FLT1: variants seen among roughly 807,000 people sequenced by gnomAD.
FLT1 encodes the protein vascular endothelial growth factor receptor 1.
FLT1 carries 49 observed loss-of-function variants against 156.3 expected under a neutral mutation model. The ratio of observed to expected loss-of-function variants is 0.31; its 90% CI spans 0.25 to 0.40. The LOEUF (loss-of-function observed/expected upper bound fraction) is 0.40. Among genes scored for constraint, FLT1 ranks in the 10% least tolerant of loss-of-function variants. The pLI is 1.00. For missense variants in FLT1, 1,322 were observed against 1,637.2 expected (o/e 0.81, Z 3.32); for synonymous variants, 594 against 583.8 (o/e 1.02, Z -0.25).
chr13:28,472,436 A>G (rs1880229534), intron 1 of FLT1, among the ~76,000 whole-genome samples: 1 of 152,248 alleles, frequency 6.6e-6, no homozygotes, highest in Non-Finnish European at 1.5e-5. Flanking sequence ...GGTCACTTGT[A>G]AAACTCAAGA....
At chr13:28,425,971 T>G (rs1182625976) in intron 10 of FLT1, among the ~76,000 whole-genome samples, 1 of 152,198 alleles carries the variant, frequency 6.6e-6, no homozygotes, top group Non-Finnish European at 1.5e-5. Context: ...GGAAAACAGC[T>G]ACTTCCCAGG....
intron 3 of FLT1, among the ~76,000 whole-genome samples, chr13:28,458,977 A>G (rs1339328963): frequency 6.6e-6 from 1 of 152,252 alleles, no homozygotes; most frequent in Non-Finnish European, 1.5e-5. Flanking sequence ...AAACCCTAGA[A>G]ATATCTGTTT....
chr13:28,451,083 C>T (rs868430102), intron 3 of FLT1, among the ~76,000 whole-genome samples: 10 of 152,306 alleles, frequency 6.6e-5, no homozygotes, highest in Middle Eastern at 6.8e-3. Context: ...TAGCTCTCTG[C>T]TGTAAGGTGC....
intron 1 of FLT1, among the ~76,000 whole-genome samples, chr13:28,485,555 T>C (rs897281393): frequency 1.6e-4 from 25 of 152,160 alleles, no homozygotes; most frequent in Admixed American, 1.6e-3. Context: ...TTTACTGTAT[T>C]TTCTTGGCCA....
chr13:28,444,400 C>A (rs1452468225), intron 3 of FLT1, among the ~76,000 whole-genome samples: 1 of 151,966 alleles, frequency 6.6e-6, no homozygotes, highest in Non-Finnish European at 1.5e-5. Context: ...GAGATCACAC[C>A]ACTGCACTCC....
intron 10 of FLT1, among the ~76,000 whole-genome samples, chr13:28,408,222 C>T (rs1875926705): frequency 6.6e-6 from 1 of 152,178 alleles, no homozygotes; most frequent in South Asian, 2.1e-4. Flanking sequence ...GTAAGGCAAG[C>T]CTGGGTGTTT....
In FLT1 at chr13:28,303,211, G is replaced by A. The variant is rs772567599; in HGVS notation, c.3973C>T (p.Pro1325Ser). 4 of 1,613,208 alleles carry A rather than the reference G, an allele frequency of 2.5e-6. No homozygotes were observed. Among genetic ancestry groups the A allele is most frequent in the Non-Finnish European group, 3.4e-6 (4 of 1,179,996 alleles). Residue 1325 changes from proline (P) to serine (S), a missense_variant, in exon 30 of 30, where the codon CCA becomes TCA. Pro to Ser is a moderately conservative substitution (Grantham distance 74, BLOSUM62 -1). Coordinates refer to ENST00000282397, the MANE Select transcript of FLT1 (RefSeq NM_002019.4). Reference sequence around the variant, plus strand: ...TACAGGACCACCGAGTTGTAGTCTGGGGGCGGGGAGCAGCACGCGATTTTC... The same window carrying A: ...TACAGGACCACCGAGTTGTAGTCTGAGGGCGGGGAGCAGCACGCGATTTTC... ...ERKIACCSPPPDYNSVVLYST... is the reference protein window; with the variant it reads ...ERKIACCSPPSDYNSVVLYST...
At chr13:28,459,304 T>C (rs1177507719) in intron 3 of FLT1, among the ~76,000 whole-genome samples, 1 of 152,154 alleles carries the variant, frequency 6.6e-6, no homozygotes, top group Admixed American at 6.5e-5. Context: ...CCAACCTGTC[T>C]GCACTTGTGG....
intron 15 of FLT1, among the ~76,000 whole-genome samples, chr13:28,351,936 G>A (rs1416913637): frequency 6.6e-6 from 1 of 152,188 alleles, no homozygotes; most frequent in Non-Finnish European, 1.5e-5. Flanking sequence ...TGTTTTAAAT[G>A]TGTTAATCCT....
At chr13:28,473,253 T>C (rs2137635489) in intron 1 of FLT1, among the ~76,000 whole-genome samples, 1 of 152,270 alleles carries the variant, frequency 6.6e-6, no homozygotes, top group African/African-American at 2.4e-5. Context: ...ACTCAGCAAT[T>C]GCACTCCTAG....
chr13:28,437,813 C>T (rs17551673), intron 4 of FLT1, among the ~76,000 whole-genome samples: 7,040 of 152,254 alleles, frequency 0.046, 271 homozygotes, highest in Admixed American at 0.11. Context: ...GAAGCCAGAA[C>T]ATATCGATGC....
intron 14 of FLT1, among the ~76,000 whole-genome samples, chr13:28,370,476 G>A (rs1873511584): frequency 6.6e-6 from 1 of 152,128 alleles, no homozygotes; most frequent in Admixed American, 6.5e-5. Flanking sequence ...TAAAAAAATG[G>A]AGTTATGATA....
At position 28,495,069 on chromosome 13, in the gene FLT1, C is replaced by A; in HGVS notation, c.-226G>T. The A allele has an allele frequency of 2.1e-6, 1 of 468,574 alleles. No homozygotes were observed. Among genetic ancestry groups the A allele is most frequent in the Non-Finnish European group, 3.7e-6 (1 of 269,902 alleles). 29.0% of individuals were successfully genotyped at this position (468,574 alleles called of 1,614,324 possible). On this transcript the variant is annotated 5_prime_UTR_variant, in exon 1 of 30. Coordinates refer to ENST00000282397, the MANE Select transcript of FLT1 (RefSeq NM_002019.4). This position sits in a 1 kb window ranked among gnomAD's most constrained non-coding sequence, Gnocchi z 4.1. ...GCCCGCTCCGAGCCGCCGCCGCTGC[C>A]GGGGAGGAGCCGAGAGGAGTGTCCG...
At chr13:28,469,808 T>G (rs1880048296) in intron 1 of FLT1, among the ~76,000 whole-genome samples, 1 of 152,152 alleles carries the variant, frequency 6.6e-6, no homozygotes, top group South Asian at 2.1e-4. Context: ...CTGGAGTGCC[T>G]TGGTGCGATC....
At chr13:28,342,055 G>T in intron 16 of FLT1, among the ~76,000 whole-genome samples, 1 of 152,020 alleles carries the variant, frequency 6.6e-6, no homozygotes, top group Non-Finnish European at 1.5e-5. Context: ...GCTAATTTTT[G>T]TATTCTTAGT....
At chr13:28,425,010 A>G (rs1042402489) in intron 10 of FLT1, among the ~76,000 whole-genome samples, 1 of 152,218 alleles carries the variant, frequency 6.6e-6, no homozygotes, top group African/African-American at 2.4e-5. Context: ...TGAGAGGGTG[A>G]AAGAGTGGTT....
intron 15 of FLT1, among the ~76,000 whole-genome samples, chr13:28,351,716 G>A (rs959802409): frequency 5.9e-5 from 9 of 152,158 alleles, no homozygotes; most frequent in South Asian, 2.1e-4. Flanking sequence ...GTTACGTGAC[G>A]TTAGTTCTGG....
At position 28,322,964 on chromosome 13, in the gene FLT1, A is replaced by G. The variant is rs2138832404; in HGVS notation, c.2797-18T>C. ...GCTGCATCCTTTGAAGAGACCGAAA[A>G]GGACCCAGGTGAAAAGGAGCTCCAG... On this transcript the variant is annotated intron_variant, in intron 20 of 29. Coordinates refer to ENST00000282397, the MANE Select transcript of FLT1 (RefSeq NM_002019.4). This position sits in a 1 kb window ranked among gnomAD's most constrained non-coding sequence, Gnocchi z 4.3. The G allele has an allele frequency of 6.2e-7, 1 of 1,614,046 alleles. No homozygotes were observed. The highest frequency in any genetic ancestry group is 8.5e-7 in the Non-Finnish European group (1 of 1,179,954).
chr13:28,390,777 T>C (rs1248802555), intron 12 of FLT1, among the ~76,000 whole-genome samples: 1 of 152,170 alleles, frequency 6.6e-6, no homozygotes, highest in Non-Finnish European at 1.5e-5. Flanking sequence ...TGAAGTAACA[T>C]AAGAGCAATT....
Sources: allele counts gnomAD v4.1 joint callset (sites outside exome capture counted in the v4.1 genomes callset), GRCh38; gene constraint gnomAD v4.1.1; non-coding constraint Gnocchi (gnomAD v3.1); transcripts MANE v1.5; gene names NCBI Gene and HGNC (gene_info 2026-07-23, HGNC 2026-07-21).